The following GPR139 variants were observed in gnomAD, a reference collection of about 807,000 sequenced individuals.
GPR139 encodes the protein probable G protein-coupled receptor 139.
Under a neutral mutation model 25.8 loss-of-function variants are expected in GPR139, and 12 were observed. The ratio of observed to expected loss-of-function variants is 0.47; its 90% confidence interval spans 0.30 to 0.75. GPR139 has a LOEUF of 0.75. GPR139 is among the 30% of genes least tolerant of loss of function. The pLI, the probability that GPR139 is intolerant of heterozygous loss-of-function variation, is 0.07. For missense variants in GPR139, 380 were observed against 450.2 expected (o/e 0.84, Z 1.41); for synonymous variants, 184 against 179.9 (o/e 1.02, Z -0.18).
Position 20,028,849 on chromosome 16 carries a change from C to T in GPR139, c.*2886G>A, listed in dbSNP as rs75242201. Among the ~76,000 whole-genome samples, 1,101 of 152,202 alleles carry T rather than the reference C, an allele frequency of 7.2e-3. 50 individuals are homozygous for T. In the East Asian group the frequency reaches 0.13, roughly 17 times the overall value. Reference sequence around the variant, plus strand: ...TCTTTGAAAGAGGCACCACAAAAACCCACGATAAGGCAATTGCTTTAGTGC... The same window carrying T: ...TCTTTGAAAGAGGCACCACAAAAACTCACGATAAGGCAATTGCTTTAGTGC... On this transcript the variant is annotated 3_prime_UTR_variant, in exon 2 of 2. Coordinates refer to ENST00000570682, the MANE Select transcript of GPR139 (RefSeq NM_001002911.4).
chr16:20,040,328 G>T (rs2057325489), intron 1 of GPR139, among the ~76,000 whole-genome samples: 1 of 152,178 alleles, frequency 6.6e-6, no homozygotes, highest in Non-Finnish European at 1.5e-5. Context: ...TAGATAACCA[G>T]AGGTTTCTTG....
intron 1 of GPR139, 131 bp from the exon 2 acceptor site, chr16:20,032,800 G>GTCCCTC: frequency 3.2e-6 from 2 of 630,442 alleles, no homozygotes; most frequent in Non-Finnish European, 5.6e-6. Context: ...GCTTTTGAGG[G>GTCCCTC]ACAACCTCAG....
At position 20,030,428 on chromosome 16, in the gene GPR139, A is replaced by G. The variant is rs3217691; in HGVS notation, c.*1307T>C. ...AACACTAAATAAGACGAATATAATC[A>G]TGTGTGTGTGTGTGCTGCACACATA... On this transcript the variant is annotated 3_prime_UTR_variant, in exon 2 of 2. Transcript: ENST00000570682. 1.1e-4 allele frequency among the ~76,000 whole-genome samples: 3 copies of G among 27,150 alleles called. No homozygotes were observed. The highest frequency in any genetic ancestry group is 8.2e-4 in the East Asian group (2 of 2,430). 17.8% of individuals were successfully genotyped at this position (27,150 alleles called of 152,430 possible).
chr16:20,055,410 T>A (rs2057385552), intron 1 of GPR139, among the ~76,000 whole-genome samples: 2 of 152,198 alleles, frequency 1.3e-5, no homozygotes, highest in Admixed American at 1.3e-4. Flanking sequence ...CTCTGTCTCC[T>A]GGGTCCCCAG....
chr16:20,054,617 A>G (rs938799290), intron 1 of GPR139, among the ~76,000 whole-genome samples: 2 of 152,092 alleles, frequency 1.3e-5, no homozygotes, highest in African/African-American at 4.8e-5. Flanking sequence ...TCAGGGGTAC[A>G]TCATGTGCAG....
intron 1 of GPR139, among the ~76,000 whole-genome samples, chr16:20,064,920 A>AT (rs776351906): frequency 1.2e-4 from 19 of 152,142 alleles, no homozygotes; most frequent in Non-Finnish European, 2.8e-4. Flanking sequence ...AATGTGTGGT[A>AT]TTTTTTGGAG....
intron 1 of GPR139, among the ~76,000 whole-genome samples, chr16:20,058,395 A>G (rs1596469970): frequency 6.6e-6 from 1 of 152,116 alleles, no homozygotes; most frequent in Non-Finnish European, 1.5e-5. Context: ...GAAGGCGTGA[A>G]CATAGCAAAC....
chr16:20,060,169 G>T (rs2057406507), intron 1 of GPR139, among the ~76,000 whole-genome samples: 1 of 152,296 alleles, frequency 6.6e-6, no homozygotes, highest in South Asian at 2.1e-4. Context: ...ACTGTGGTGA[G>T]GCTGGAATGC....
At chr16:20,032,800 G>A in intron 1 of GPR139, 131 bp from the exon 2 acceptor site, 1 of 630,442 alleles carries the variant, frequency 1.6e-6, no homozygotes. Flanking sequence ...GCTTTTGAGG[G>A]ACAACCTCAG....
At chr16:20,047,552 A>G (rs1415499332) in intron 1 of GPR139, among the ~76,000 whole-genome samples, 2 of 152,244 alleles carry the variant, frequency 1.3e-5, no homozygotes, top group Non-Finnish European at 2.9e-5. Flanking sequence ...TTAAAAGAAG[A>G]AAAAACAATA....
At chr16:20,065,083 A>G (rs1409648152) in intron 1 of GPR139, among the ~76,000 whole-genome samples, 1 of 149,658 alleles carries the variant, frequency 6.7e-6, no homozygotes, top group Non-Finnish European at 1.5e-5. Context: ...CTGTGACCCC[A>G]TTGGTGTTTT....
intron 1 of GPR139, among the ~76,000 whole-genome samples, chr16:20,033,397 A>T (rs2057298763): frequency 6.6e-6 from 1 of 152,256 alleles, no homozygotes; most frequent in Non-Finnish European, 1.5e-5. Flanking sequence ...AGCTTAAGCA[A>T]CTTGCTTAGA....
intron 1 of GPR139, among the ~76,000 whole-genome samples, chr16:20,043,424 G>C (rs113747165): frequency 2.6e-5 from 4 of 152,210 alleles, no homozygotes; most frequent in Admixed American, 6.5e-5. Flanking sequence ...GTGGCTTTGC[G>C]TAGATGAGAT....
At chr16:20,059,938 C>T (rs537071000) in intron 1 of GPR139, among the ~76,000 whole-genome samples, 4 of 152,252 alleles carry the variant, frequency 2.6e-5, no homozygotes, top group African/African-American at 7.2e-5. Context: ...CTGGAAGGGT[C>T]GTGGGTGCAG....
chr16:20,055,705 T>C (rs1395768293), intron 1 of GPR139, among the ~76,000 whole-genome samples: 2 of 152,228 alleles, frequency 1.3e-5, no homozygotes, highest in Non-Finnish European at 2.9e-5. Context: ...GATGACTGCT[T>C]TCATGGAAAT....
intron 1 of GPR139, among the ~76,000 whole-genome samples, chr16:20,041,391 A>T (rs2057335593): frequency 6.6e-6 from 1 of 151,400 alleles, no homozygotes; most frequent in Non-Finnish European, 1.5e-5. Context: ...GAGGTGCTCC[A>T]AGGATGGATT....
rs2057277739 is a variant in GPR139 at position 20,029,080 on chromosome 16, C to T, written c.*2655G>A. On this transcript the variant is annotated 3_prime_UTR_variant, in exon 2 of 2. Transcript: ENST00000570682. ...TTAAGAGATATGAATCAACCTAACC[C>T]AATGGGCATTCATTTGCATTTTAAG... Among the ~76,000 whole-genome samples, 1 of 152,118 alleles carries T rather than the reference C, an allele frequency of 6.6e-6. No individual in the cohort carries two copies. The highest frequency in any genetic ancestry group is 2.1e-4 in the South Asian group (1 of 4,824).
At chr16:20,051,212 G>T (rs1242259856) in intron 1 of GPR139, among the ~76,000 whole-genome samples, 1 of 152,212 alleles carries the variant, frequency 6.6e-6, no homozygotes, top group Non-Finnish European at 1.5e-5. Flanking sequence ...CTCAAATAGG[G>T]ATTGGTATGG....
In GPR139 at chr16:20,032,158, C is replaced by T. The variant is rs756656032; in HGVS notation, c.639G>A (p.Lys213=). 43 of 1,614,072 alleles carry T rather than the reference C, an allele frequency of 2.7e-5. No homozygotes were observed. Among genetic ancestry groups the T allele is most frequent in the Non-Finnish European group, 2.5e-6 (3 of 1,180,036 alleles). The change falls in exon 2 of 2, where the codon AAG becomes AAA. Residue 213 remains lysine, a synonymous_variant. Coordinates refer to ENST00000570682, the MANE Select transcript of GPR139 (RefSeq NM_001002911.4). ...NSIIVYKLRR[K]SNFRLRGYST... Reference sequence around the variant, plus strand: ...AGTAGCCACGGAGACGAAAATTGCTCTTCCTCCTGAGCTTGTACACAATGA... The same window carrying T: ...AGTAGCCACGGAGACGAAAATTGCTTTTCCTCCTGAGCTTGTACACAATGA...
Sources: gnomAD v4.1 joint callset for allele counts (sites outside exome capture counted in the v4.1 genomes callset) on GRCh38, gnomAD v4.1.1 for gene constraint, MANE v1.5 for transcripts, NCBI Gene and HGNC (gene_info 2026-07-23, HGNC 2026-07-21) for gene names.